The following NTRK3 variants were observed in gnomAD, a reference collection of about 807,000 sequenced individuals.
NTRK3 encodes NT-3 growth factor receptor.
Under a neutral mutation model 91.7 loss-of-function variants are expected in NTRK3, and 24 were observed. That is an observed-to-expected ratio of 0.26 (90% confidence interval 0.19 to 0.37). NTRK3 has a LOEUF of 0.37. Ranked by LOEUF, NTRK3 falls within the 10% of genes least tolerant of loss-of-function variation. The probability of loss-of-function intolerance (pLI) is 1.00; values close to 1 mark genes in which losing one functional copy is unlikely to be tolerated. For synonymous variants in NTRK3, 483 were observed against 404.0 expected (o/e 1.20, Z -2.34); for missense variants, 880 against 1,068.9 (o/e 0.82, Z 2.46).
chr15:87,986,454 C>T (rs1390525210), intron 14 of NTRK3, among the ~76,000 whole-genome samples: 1 of 152,180 alleles, frequency 6.6e-6, no homozygotes, highest in African/African-American at 2.4e-5. Flanking sequence ...CCAGAAGTAA[C>T]CACTGCTCTG....
intron 14 of NTRK3, among the ~76,000 whole-genome samples, chr15:88,016,033 T>C (rs2077212575): frequency 6.6e-6 from 1 of 151,940 alleles, no homozygotes; most frequent in Admixed American, 6.6e-5. Context: ...GTGCTATACA[T>C]GTCCATGTTG....
intron 6 of NTRK3, among the ~76,000 whole-genome samples, chr15:88,140,343 A>G (rs978668260): frequency 5.9e-5 from 9 of 152,222 alleles, no homozygotes; most frequent in Non-Finnish European, 1.0e-4. Context: ...AAAGGGATAG[A>G]CAGAGGATAA....
intron 13 of NTRK3, among the ~76,000 whole-genome samples, chr15:88,069,529 C>G (rs1017349605): frequency 6.6e-6 from 1 of 152,066 alleles, no homozygotes; most frequent in African/African-American, 2.4e-5. Context: ...AGAGCTACAC[C>G]GGAACCTCCC....
chr15:87,922,355 G>A (rs2067946083), intron 17 of NTRK3, among the ~76,000 whole-genome samples: 1 of 152,148 alleles, frequency 6.6e-6, no homozygotes, highest in Non-Finnish European at 1.5e-5. Flanking sequence ...GCACCTTAGA[G>A]AGCATCTGAT....
chr15:87,930,926 C>G (rs1240268014), intron 16 of NTRK3, among the ~76,000 whole-genome samples: 1 of 152,144 alleles, frequency 6.6e-6, no homozygotes, highest in Admixed American at 6.5e-5. Context: ...ACACAGAGGT[C>G]TTCAGAGTGT....
chr15:88,175,304 G>C (rs2045896126), intron 5 of NTRK3, among the ~76,000 whole-genome samples: 1 of 152,116 alleles, frequency 6.6e-6, no homozygotes, highest in Non-Finnish European at 1.5e-5. Flanking sequence ...CCACGGCAGA[G>C]GAAAAGAGAC....
intron 14 of NTRK3, chr15:87,977,795 G>C (rs2073856805): frequency 8.6e-6 from 2 of 232,372 alleles, no homozygotes; most frequent in African/African-American, 2.2e-5. Context: ...CCCCATGGAG[G>C]CATTTGCAGA....
At chr15:87,895,234 A>G (rs1357361490) in intron 17 of NTRK3, among the ~76,000 whole-genome samples, 1 of 152,242 alleles carries the variant, frequency 6.6e-6, no homozygotes. Flanking sequence ...GAAGTCCCAC[A>G]GTGTCTGGTT....
At chr15:88,099,435 GA>G (rs1338192490) in intron 13 of NTRK3, among the ~76,000 whole-genome samples, 150 of 152,290 alleles carry the variant, frequency 9.8e-4, no homozygotes, top group Non-Finnish European at 1.0e-4. Context: ...TGACTGCAAA[GA>G]CGTGTATTAT....
At chr15:88,065,558 C>A (rs1049723673) in intron 13 of NTRK3, among the ~76,000 whole-genome samples, 3 of 152,090 alleles carry the variant, frequency 2.0e-5, no homozygotes, top group Non-Finnish European at 4.4e-5. Context: ...CAGAATATTG[C>A]TGGAGAAGAA....
chr15:87,939,153 T>C (rs1026109531), intron 15 of NTRK3, among the ~76,000 whole-genome samples: 3 of 152,164 alleles, frequency 2.0e-5, no homozygotes, highest in East Asian at 3.9e-4. Flanking sequence ...CTATTCTAGA[T>C]AGTCATTGCA....
At chr15:88,017,734 C>T (rs1407256315) in intron 14 of NTRK3, among the ~76,000 whole-genome samples, 1 of 152,150 alleles carries the variant, frequency 6.6e-6, no homozygotes, top group East Asian at 1.9e-4. Context: ...GGCACAGGCT[C>T]CCTGTGTTGA....
chr15:87,956,376 C>A (rs984272741), intron 14 of NTRK3, among the ~76,000 whole-genome samples: 2 of 152,146 alleles, frequency 1.3e-5, no homozygotes, highest in Admixed American at 6.5e-5. Flanking sequence ...CAGGTTCAAG[C>A]GTTTCTCCTG....
chr15:87,917,738 G>A (rs1464596035), intron 17 of NTRK3, among the ~76,000 whole-genome samples: 4 of 152,054 alleles, frequency 2.6e-5, no homozygotes, highest in Non-Finnish European at 5.9e-5. Flanking sequence ...AGTCATTAAA[G>A]AGTCTGGCAC....
At chr15:87,901,942 A>G (rs911640411) in intron 17 of NTRK3, among the ~76,000 whole-genome samples, 4 of 152,238 alleles carry the variant, frequency 2.6e-5, no homozygotes, top group African/African-American at 7.2e-5. Context: ...TCTAAATTAA[A>G]AAAAGACTCA....
chr15:88,169,139 A>T (rs1403292499), intron 5 of NTRK3, among the ~76,000 whole-genome samples: 1 of 152,156 alleles, frequency 6.6e-6, no homozygotes, highest in Non-Finnish European at 1.5e-5. Context: ...ACTGGTCTTG[A>T]GGCTGGTCCC....
intron 10 of NTRK3, among the ~76,000 whole-genome samples, chr15:88,132,309 C>T (rs1262573972): frequency 4.6e-5 from 7 of 152,232 alleles, no homozygotes; most frequent in African/African-American, 1.4e-4. Context: ...TCTGTCCAGA[C>T]GCACTGCTAT....
intron 5 of NTRK3, among the ~76,000 whole-genome samples, chr15:88,162,098 C>T (rs1423464290): frequency 3.3e-5 from 5 of 152,166 alleles, no homozygotes; most frequent in African/African-American, 9.7e-5. Flanking sequence ...AAATAAAACC[C>T]TATCACAAGA....
chr15:87,875,480 G>T (rs2064924240), exon 19 of NTRK3: 2 of 232,432 alleles, frequency 8.6e-6, no homozygotes, highest in East Asian at 1.2e-4. Context: ...TCCGGTCAGG[G>T]CTCAGGCCTC....
Sources: allele counts gnomAD v4.1 joint callset (sites outside exome capture counted in the v4.1 genomes callset), GRCh38; gene constraint gnomAD v4.1.1; transcripts MANE v1.5; gene names NCBI Gene and HGNC (gene_info 2026-07-23, HGNC 2026-07-21).